PCDHA4: variants seen among roughly 807,000 people sequenced by gnomAD.
The protein encoded by PCDHA4 is protocadherin alpha 4.
In PCDHA4, 49 loss-of-function variants were observed where a neutral mutation model predicts 61.4. The observed-to-expected ratio is 0.80, with a 90% CI of 0.63 to 1.01. The LOEUF (loss-of-function observed/expected upper bound fraction) is 1.01, where lower values mean the gene tolerates loss of function less well. PCDHA4 is among the 50% of genes least tolerant of loss of function. PCDHA4 has a pLI of 0.00. For missense variants in PCDHA4, 1,254 were observed against 1,235.8 expected (o/e 1.01, Z -0.22); for synonymous variants, 590 against 550.3 (o/e 1.07, Z -1.01).
intron 1 of PCDHA4, chr5:140,883,678 G>A (rs555791080): frequency 3.7e-6 from 6 of 1,613,902 alleles, no homozygotes; most frequent in South Asian, 3.3e-5. Flanking sequence ...ACAATCCGCC[G>A]GGCTGCCACA....
At chr5:140,819,722 A>G (rs1375762475) in intron 1 of PCDHA4, among the ~76,000 whole-genome samples, 1 of 152,122 alleles carries the variant, frequency 6.6e-6, no homozygotes, top group Non-Finnish European at 1.5e-5. Flanking sequence ...ATAATTTAAC[A>G]GATATGAAAG....
intron 1 of PCDHA4, among the ~76,000 whole-genome samples, chr5:140,907,440 C>T (rs781836409): frequency 4.6e-5 from 7 of 152,222 alleles, no homozygotes; most frequent in Non-Finnish European, 1.0e-4. Flanking sequence ...TGTGAGTCCA[C>T]AGATGGTAAT....
intron 1 of PCDHA4, among the ~76,000 whole-genome samples, chr5:140,906,153 A>G (rs2072404848): frequency 6.6e-6 from 1 of 152,142 alleles, no homozygotes; most frequent in Non-Finnish European, 1.5e-5. Flanking sequence ...ACCCTCACAG[A>G]CACACCCAGG....
At chr5:140,848,056 C>T (rs2150406105) in intron 1 of PCDHA4, 2 of 161,888 alleles carry the variant, frequency 1.2e-5, no homozygotes, top group South Asian at 3.2e-4. Context: ...TTAATTGTTA[C>T]TTCATTTCTG....
intron 3 of PCDHA4, among the ~76,000 whole-genome samples, chr5:141,007,395 CAAA>C (rs35800918): frequency 0.057 from 5,421 of 94,854 alleles, 127 homozygotes; most frequent in South Asian, 0.13. Context: ...TACTAAAATA[CAAA>C]AAAAAAAAAA....
intron 1 of PCDHA4, chr5:140,823,750 A>T (rs2150128815): frequency 5.0e-6 from 8 of 1,613,666 alleles, no homozygotes; most frequent in Non-Finnish European, 6.8e-6. Context: ...GCCCCCGCTG[A>T]CAGCCACAGC....
At chr5:140,966,253 G>A in intron 1 of PCDHA4, 1 of 328,324 alleles carries the variant, frequency 3.0e-6, no homozygotes, top group South Asian at 1.5e-4. Context: ...GGGGAGAGAC[G>A]GTGGAGACTG....
intron 1 of PCDHA4, among the ~76,000 whole-genome samples, chr5:140,933,223 A>G (rs1005553040): frequency 1.3e-5 from 2 of 152,018 alleles, no homozygotes; most frequent in African/African-American, 4.8e-5. Context: ...GTTATATTGC[A>G]TTTATGAAAA....
chr5:140,897,970 G>A (rs561364842), intron 1 of PCDHA4, among the ~76,000 whole-genome samples: 10 of 152,210 alleles, frequency 6.6e-5, no homozygotes, highest in Admixed American at 2.6e-4. Context: ...TGTGTCTTTT[G>A]GCTGCATAAA....
chr5:140,926,912 C>A, intron 1 of PCDHA4: 1 of 1,561,732 alleles, frequency 6.4e-7, no homozygotes. Context: ...TGTGGGGTGG[C>A]AGTTTTATGT....
chr5:140,951,545 G>C (rs1019007635), intron 1 of PCDHA4, among the ~76,000 whole-genome samples: 2 of 151,950 alleles, frequency 1.3e-5, no homozygotes, highest in Admixed American at 6.6e-5. Context: ...GCAAGGGACG[G>C]GGGGAAGTGC....
intron 1 of PCDHA4, among the ~76,000 whole-genome samples, chr5:140,970,269 A>G (rs1410341195): frequency 6.6e-6 from 1 of 152,184 alleles, no homozygotes; most frequent in East Asian, 1.9e-4. Flanking sequence ...TTTTGATGAG[A>G]TGTAAAGTAG....
intron 1 of PCDHA4, chr5:140,882,524 G>C (rs1340644606): frequency 9.9e-6 from 16 of 1,614,090 alleles, no homozygotes; most frequent in African/African-American, 2.7e-5. Context: ...CATTTTGTTT[G>C]TGAATTCTCG....
chr5:140,960,293 T>C (rs990761387), intron 1 of PCDHA4, among the ~76,000 whole-genome samples: 5 of 152,174 alleles, frequency 3.3e-5, no homozygotes, highest in Non-Finnish European at 7.3e-5. Flanking sequence ...ACCCAGTTTC[T>C]TCATCAATAC....
At chr5:140,884,428 G>C in intron 1 of PCDHA4, 1 of 1,613,962 alleles carries the variant, frequency 6.2e-7, no homozygotes, top group Non-Finnish European at 8.5e-7. Context: ...TGTATACTGC[G>C]CTGCGGTGCT....
At chr5:140,875,430 C>G in intron 1 of PCDHA4, 1 of 1,557,170 alleles carries the variant, frequency 6.4e-7, no homozygotes. Context: ...CAAGCGATCC[C>G]TTAAAACTGA....
At chr5:140,834,797 G>A in intron 1 of PCDHA4, 3 of 1,613,022 alleles carry the variant, frequency 1.9e-6, no homozygotes, top group South Asian at 1.1e-5. Context: ...CGACACAAAG[G>A]AATCTGTTCA....
At chr5:140,898,956 T>C (rs1352076218) in intron 1 of PCDHA4, among the ~76,000 whole-genome samples, 4 of 152,130 alleles carry the variant, frequency 2.6e-5, no homozygotes, top group Admixed American at 2.6e-4. Context: ...GAAGCAGTTG[T>C]GAATGGGAGT....
chr5:140,856,293 T>C, intron 1 of PCDHA4: 7 of 1,598,502 alleles, frequency 4.4e-6, no homozygotes, highest in Non-Finnish European at 6.0e-6. Context: ...CAGAATGGCA[T>C]TTTGTTTGTG....
Sources: allele counts gnomAD v4.1 joint callset (sites outside exome capture counted in the v4.1 genomes callset), GRCh38; gene constraint gnomAD v4.1.1; transcripts MANE v1.5; gene names NCBI Gene and HGNC (gene_info 2026-07-23, HGNC 2026-07-21).